The following SCRG1 variants were observed in gnomAD, a reference collection of about 807,000 sequenced individuals.
SCRG1 encodes the protein scrapie-responsive protein 1.
A neutral mutation model predicts 7.7 loss-of-function variants in SCRG1; 3 were observed. The ratio of observed to expected loss-of-function variants is 0.39; its 90% CI spans 0.18 to 1.01. The LOEUF (loss-of-function observed/expected upper bound fraction) is 1.01. SCRG1 is among the 50% of genes least tolerant of loss of function. SCRG1 has a pLI of 0.36. For synonymous variants in SCRG1, 46 were observed against 41.2 expected (o/e 1.12, Z -0.44); for missense variants, 110 against 117.2 (o/e 0.94, Z 0.28).
At chr4:173,510,062 T>G in the SCRG1 span, among the ~76,000 whole-genome samples, 1 of 152,342 alleles carries the variant, frequency 6.6e-6, no homozygotes, top group East Asian at 1.9e-4. The surrounding 1 kb of genome is among the most constrained non-coding windows in gnomAD (Gnocchi z 5.7). Flanking sequence ...ATTGATTTAA[T>G]TAGCTGGTAA....
At chr4:173,509,960 C>T in the SCRG1 span, among the ~76,000 whole-genome samples, 8 of 152,296 alleles carry the variant, frequency 5.3e-5, no homozygotes, top group East Asian at 1.9e-4. This position sits in a 1 kb window ranked among gnomAD's most constrained non-coding sequence, Gnocchi z 5.7. Context: ...CACTTTAGTT[C>T]ACTGCTGTTT....
At chr4:173,517,860 C>G in the SCRG1 span, among the ~76,000 whole-genome samples, 1 of 152,230 alleles carries the variant, frequency 6.6e-6, no homozygotes, top group Non-Finnish European at 1.5e-5. Flanking sequence ...CCCCGGCCCT[C>G]GGAATGCAAA....
chr4:173,484,279 T>C, the SCRG1 span, among the ~76,000 whole-genome samples: 1 of 90,510 alleles, frequency 1.1e-5, no homozygotes, highest in Non-Finnish European at 1.9e-5. Context: ...TTATATATCA[T>C]ATATTTTCTA....
At chr4:173,511,494 G>A in the SCRG1 span, among the ~76,000 whole-genome samples, 11 of 151,554 alleles carry the variant, frequency 7.3e-5, no homozygotes, top group Non-Finnish European at 1.3e-4. This position sits in a 1 kb window ranked among gnomAD's most constrained non-coding sequence, Gnocchi z 5.2. Flanking sequence ...CTTTATTTAT[G>A]CCTTTATCTT....
the SCRG1 span, among the ~76,000 whole-genome samples, chr4:173,508,613 G>A: frequency 5.3e-5 from 8 of 152,298 alleles, no homozygotes; most frequent in East Asian, 1.2e-3. This position sits in a 1 kb window ranked among gnomAD's most constrained non-coding sequence, Gnocchi z 4.4. Context: ...GACTTCTCAG[G>A]TGAGGGCAGG....
chr4:173,499,500 A>G, the SCRG1 span, among the ~76,000 whole-genome samples: 1 of 152,240 alleles, frequency 6.6e-6, no homozygotes, highest in Non-Finnish European at 1.5e-5. This position sits in a 1 kb window ranked among gnomAD's most constrained non-coding sequence, Gnocchi z 4.1. Context: ...AATCTTGCTT[A>G]GACTGAAATT....
the SCRG1 span, among the ~76,000 whole-genome samples, chr4:173,483,606 A>C: frequency 4.2e-5 from 3 of 71,584 alleles, no homozygotes; most frequent in African/African-American, 1.6e-4. Flanking sequence ...TGTGATATAT[A>C]ATATATATGA....
the SCRG1 span, among the ~76,000 whole-genome samples, chr4:173,492,605 G>A: frequency 9.9e-5 from 15 of 152,186 alleles, no homozygotes; most frequent in African/African-American, 3.4e-4. Context: ...AAGTGGAAAG[G>A]CTGGAGGAGT....
chr4:173,476,087 A>C, the SCRG1 span, among the ~76,000 whole-genome samples: 1 of 151,742 alleles, frequency 6.6e-6, no homozygotes, highest in African/African-American at 2.4e-5. Flanking sequence ...GGTAAATTTT[A>C]TATTATATAT....
chr4:173,487,754 T>A, the SCRG1 span, among the ~76,000 whole-genome samples: 1 of 152,038 alleles, frequency 6.6e-6, no homozygotes, highest in Non-Finnish European at 1.5e-5. Context: ...TTAATTATCA[T>A]CAAGTATGCA....
chr4:173,424,030 G>A, the SCRG1 span, among the ~76,000 whole-genome samples: 3 of 152,266 alleles, frequency 2.0e-5, no homozygotes, highest in Non-Finnish European at 4.4e-5. Context: ...ATTCATGAAG[G>A]CAGAGCCTTC....
At chr4:173,412,067 T>C in the SCRG1 span, among the ~76,000 whole-genome samples, 3 of 152,222 alleles carry the variant, frequency 2.0e-5, no homozygotes, top group African/African-American at 7.2e-5. Context: ...GAGCAGCAAG[T>C]AGGCACTGTG....
the SCRG1 span, among the ~76,000 whole-genome samples, chr4:173,487,439 G>A: frequency 6.6e-6 from 1 of 152,132 alleles, no homozygotes; most frequent in Non-Finnish European, 1.5e-5. Flanking sequence ...GACAGCAAAA[G>A]TCCTTTGAAA....
the SCRG1 span, among the ~76,000 whole-genome samples, chr4:173,447,148 G>A: frequency 2.6e-5 from 4 of 152,196 alleles, no homozygotes; most frequent in African/African-American, 9.7e-5. Flanking sequence ...GGAAGTCCAC[G>A]ATCAGGGTGT....
chr4:173,471,636 T>C, the SCRG1 span, among the ~76,000 whole-genome samples: 1 of 152,166 alleles, frequency 6.6e-6, no homozygotes, highest in Non-Finnish European at 1.5e-5. Flanking sequence ...CTGGTAAGTA[T>C]TGGCAAATGG....
chr4:173,425,071 T>C, the SCRG1 span, among the ~76,000 whole-genome samples: 1 of 152,186 alleles, frequency 6.6e-6, no homozygotes, highest in Admixed American at 6.5e-5. Context: ...GGGAAGAAGA[T>C]TACATATACA....
At chr4:173,503,458 T>C in the SCRG1 span, among the ~76,000 whole-genome samples, 1 of 152,076 alleles carries the variant, frequency 6.6e-6, no homozygotes, top group Non-Finnish European at 1.5e-5. This position sits in a 1 kb window ranked among gnomAD's most constrained non-coding sequence, Gnocchi z 6.4. Context: ...GGACGTGAAG[T>C]TCCCAGAGTC....
chr4:173,500,472 T>TTGTG, the SCRG1 span, among the ~76,000 whole-genome samples: 66,763 of 150,080 alleles, frequency 0.44, 16,633 homozygotes, highest in Non-Finnish European at 0.58. Context: ...TTAGTAAATT[T>TTGTG]TGTGTGTGTG....
chr4:173,444,295 C>A, the SCRG1 span, among the ~76,000 whole-genome samples: 66 of 152,198 alleles, frequency 4.3e-4, 2 homozygotes, highest in Non-Finnish European at 1.2e-4. Context: ...TTTTTTAGAA[C>A]CACTCTATCT....
Sources: allele counts gnomAD v4.1 joint callset (sites outside exome capture counted in the v4.1 genomes callset), GRCh38; gene constraint gnomAD v4.1.1; non-coding constraint Gnocchi (gnomAD v3.1); transcripts MANE v1.5; gene names NCBI Gene and HGNC (gene_info 2026-07-23, HGNC 2026-07-21).